RAB11FIP2: variants seen among roughly 807,000 people sequenced by gnomAD.
RAB11FIP2 encodes the protein RAB11 family interacting protein 2.
Under a neutral mutation model 40.9 loss-of-function variants are expected in RAB11FIP2, and 16 were observed. The ratio of observed to expected loss-of-function variants is 0.39; its 90% CI spans 0.26 to 0.59. The LOEUF (loss-of-function observed/expected upper bound fraction) is 0.59. Ranked by LOEUF, RAB11FIP2 falls within the 20% of genes least tolerant of loss-of-function variation. The probability of loss-of-function intolerance (pLI) is 0.53; values close to 1 mark genes in which losing one functional copy is unlikely to be tolerated. For missense variants in RAB11FIP2, 532 were observed against 606.2 expected, an observed-to-expected ratio of 0.88 and a Z score of 1.28; for synonymous variants, 228 against 213.7, an observed-to-expected ratio of 1.07 and a Z score of -0.58.
At chr10:118,045,603 G>T in intron 1 of RAB11FIP2, 1 of 530,084 alleles carries the variant, frequency 1.9e-6, no homozygotes, top group South Asian at 2.5e-5. Flanking sequence ...TTAACAGAAA[G>T]AATAAGGGAT....
In RAB11FIP2 at chr10:118,009,004, G is replaced by C. The variant is rs2098171583; in HGVS notation, c.1533C>G (p.Asn511Lys). ...TACAATACAATTGGCTTTATTAACT[G>C]TTAGAGAATTTGCCAGCTTTCCTGG... ...EPSRKAGKFS[N>K]S is the part of the protein sequence containing the mutation. The change falls in exon 5 of 5, where the codon AAC (asparagine) becomes AAG (lysine). Residue 511 changes from asparagine (N) to lysine (K), a missense_variant. Coordinates refer to ENST00000355624, the MANE Select transcript of RAB11FIP2 (RefSeq NM_014904.3). The C allele has an allele frequency of 6.2e-7, 1 of 1,605,690 alleles. No homozygotes were observed. The highest frequency in any genetic ancestry group is 1.3e-5 in the African/African-American group (1 of 74,656).
chr10:118,039,479 C>CA, intron 2 of RAB11FIP2, 39 bp from the exon 3 acceptor site: 1 of 1,494,532 alleles, frequency 6.7e-7, no homozygotes, highest in Non-Finnish European at 9.2e-7. Context: ...ATCAGTGACA[C>CA]ATTACATCAC....
intron 3 of RAB11FIP2, among the ~76,000 whole-genome samples, chr10:118,037,867 A>G (rs1400175510): frequency 1.3e-5 from 2 of 152,092 alleles, no homozygotes; most frequent in East Asian, 3.9e-4. Flanking sequence ...CAAGTCCCCT[A>G]TACAAAATGG....
intron 3 of RAB11FIP2, among the ~76,000 whole-genome samples, chr10:118,033,017 G>A (rs1164188362): frequency 6.6e-6 from 1 of 151,742 alleles, no homozygotes; most frequent in East Asian, 1.9e-4. Flanking sequence ...CATTATTATT[G>A]TTACTCTCTT....
At chr10:118,029,738 T>C (rs1307375548) in intron 3 of RAB11FIP2, among the ~76,000 whole-genome samples, 1 of 152,138 alleles carries the variant, frequency 6.6e-6, no homozygotes, top group Admixed American at 6.6e-5. Flanking sequence ...GCAAGGGCCT[T>C]CTTTATATTC....
intron 4 of RAB11FIP2, among the ~76,000 whole-genome samples, chr10:118,011,140 T>C (rs988269737): frequency 2.2e-4 from 33 of 152,088 alleles, no homozygotes; most frequent in Non-Finnish European, 1.5e-5. Flanking sequence ...AGACCAGAGT[T>C]AGCAAGAATG....
In RAB11FIP2 at chr10:118,007,224, CTT is replaced by C. The variant is rs1846100578; in HGVS notation, c.*1772_*1773del. 1 of 149,448 alleles carries C rather than the reference CTT, an allele frequency of 6.7e-6. No homozygotes were observed. Among genetic ancestry groups the C allele is most frequent in the Non-Finnish European group, 1.5e-5 (1 of 67,486 alleles). 9.3% of individuals were successfully genotyped at this position (149,448 alleles called of 1,614,324 possible). A position where few individuals can be genotyped will look rare whatever the true frequency, so the allele number is the denominator to read the frequency against. ...CGGGAAAATACCATTCTACACCAGA[CTT>C]TGAGGTTTATTACAGAATCTTGAGG... On this transcript the variant is annotated 3_prime_UTR_variant, in exon 5 of 5. Transcript: ENST00000355624.
chr10:118,045,358 T>C (rs1200693401), intron 1 of RAB11FIP2: 1 of 158,088 alleles, frequency 6.3e-6, no homozygotes, highest in Non-Finnish European at 1.4e-5. Context: ...TGAAACGAAA[T>C]ACTGAGTTCT....
chr10:118,012,088 TTG>T lies in RAB11FIP2; in HGVS notation c.1312-2865_1312-2864del, dbSNP rs1419033667. 3.9e-5 allele frequency among the ~76,000 whole-genome samples: 6 copies of T among 152,142 alleles called. No individual in the cohort carries two copies. The East Asian group carries it at 1.2e-3, about 29-fold the overall frequency. ...TGAAGATGAAAAACGTTTCAAAAAT[TTG>T]TGTTTTGATATAAATTAAAGCCATG... On this transcript the variant is annotated intron_variant, in intron 4 of 4. Transcript: ENST00000355624.
chr10:118,044,055 A>T (rs1846595555), intron 1 of RAB11FIP2, among the ~76,000 whole-genome samples: 1 of 152,240 alleles, frequency 6.6e-6, no homozygotes. Context: ...CTAAAGTTCT[A>T]ATCAATTTTA....
At chr10:118,013,157 G>C (rs1375468954) in intron 4 of RAB11FIP2, among the ~76,000 whole-genome samples, 1 of 151,970 alleles carries the variant, frequency 6.6e-6, no homozygotes, top group East Asian at 1.9e-4. Flanking sequence ...TTAAAGAAAG[G>C]TTGTCCTGGT....
chr10:118,041,829 C>G (rs1242344505), intron 1 of RAB11FIP2, among the ~76,000 whole-genome samples: 2 of 152,176 alleles, frequency 1.3e-5, no homozygotes, highest in South Asian at 4.1e-4. Flanking sequence ...TGGAGCTATT[C>G]AATCAATTCA....
chr10:118,030,785 A>AGT (rs111672615), intron 3 of RAB11FIP2, among the ~76,000 whole-genome samples: 2,292 of 152,118 alleles, frequency 0.015, 21 homozygotes, highest in African/African-American at 0.022. Context: ...AATTTGCATT[A>AGT]GAGTTAGCAC....
chr10:118,007,686 A>AT lies in RAB11FIP2; in HGVS notation c.*1311dup, dbSNP rs1690661219. The AT allele has an allele frequency of 6.6e-6, 1 of 152,114 alleles. No individual in the cohort carries two copies. 9.4% of individuals were successfully genotyped at this position (152,114 alleles called of 1,614,324 possible). A position where few individuals can be genotyped will look rare whatever the true frequency, so the allele number is the denominator to read the frequency against. ...AGAAGATTAGCAATATTTTTATAAC[A>AT]TTGCTTGTCAATTTAAATTTCAGAA... is the stretch of plus-strand genomic sequence containing the variant. On this transcript the variant is annotated 3_prime_UTR_variant, in exon 5 of 5. Transcript: ENST00000355624.
Position 118,046,383 on chromosome 10 carries a change from G to A in RAB11FIP2, c.-220C>T, listed in dbSNP as rs1846638492. The A allele has an allele frequency of 1.8e-6, 1 of 561,032 alleles. No individual in the cohort carries two copies. The highest frequency in any genetic ancestry group is 2.3e-5 in the South Asian group (1 of 42,854). 34.8% of individuals were successfully genotyped at this position (561,032 alleles called of 1,614,324 possible). A position where few individuals can be genotyped will look rare whatever the true frequency, so the allele number is the denominator to read the frequency against. ...CCCTTTCGTCTGGAGAAACACAGAGGCCCACCATCACCTGGCCGCGCCGTG... is the reference window on the plus strand; with the variant it reads ...CCCTTTCGTCTGGAGAAACACAGAGACCCACCATCACCTGGCCGCGCCGTG... On this transcript the variant is annotated 5_prime_UTR_variant, in exon 1 of 5. Transcript: ENST00000355624.
chr10:118,031,316 AG>A (rs1242661218), intron 3 of RAB11FIP2, among the ~76,000 whole-genome samples: 1 of 152,146 alleles, frequency 6.6e-6, no homozygotes, highest in African/African-American at 2.4e-5. Flanking sequence ...CTTTTTCTTT[AG>A]GATCATTTAT....
chr10:118,038,983 C>T lies in RAB11FIP2; in HGVS notation c.1254G>A (p.Met418Ile), dbSNP rs946969778. The T allele has an allele frequency of 1.3e-6, 2 of 1,590,476 alleles. No homozygotes were observed. Among genetic ancestry groups the T allele is most frequent in the Non-Finnish European group, 1.7e-6 (2 of 1,169,668 alleles). The change falls in exon 3 of 5, where the codon ATG becomes ATA. Residue 418 changes from methionine (M) to isoleucine (I), a missense_variant. Physicochemically the swap from Met to Ile is conservative, Grantham distance 10 (BLOSUM62 1). Coordinates refer to ENST00000355624, the MANE Select transcript of RAB11FIP2 (RefSeq NM_014904.3). ...CATATTAAGCTTACCTTGAAGATGG[C>T]ATTATATTTGAAGCCCTGAATTTTG... is the stretch of plus-strand genomic sequence containing the variant. ...FTAKFRASNI[M>I]PSSSFHMSPT...
chr10:118,018,405 G>T (rs1350921459), intron 3 of RAB11FIP2: 1 of 152,198 alleles, frequency 6.6e-6, no homozygotes, highest in Non-Finnish European at 1.5e-5. Flanking sequence ...CTGCTGACAG[G>T]TTAAGGAAAA....
In RAB11FIP2 at chr10:118,023,229, T is replaced by C. The variant is rs531707827; in HGVS notation, c.1266-8119A>G. Among the ~76,000 whole-genome samples the C allele has an allele frequency of 2.6e-5, 4 of 152,314 alleles. No homozygotes were observed. The South Asian group carries it at 8.3e-4, about 32-fold the overall frequency. On this transcript the variant is annotated intron_variant, in intron 3 of 4. Coordinates refer to ENST00000355624, the MANE Select transcript of RAB11FIP2 (RefSeq NM_014904.3). ...CCACAGAGGTTACATGTTGAAGTTT[T>C]TGTTTTTTAATGTTCTTTAATAATG...
Sources: allele counts gnomAD v4.1 joint callset (sites outside exome capture counted in the v4.1 genomes callset), GRCh38; gene constraint gnomAD v4.1.1; transcripts MANE v1.5; gene names NCBI Gene and HGNC (gene_info 2026-07-23, HGNC 2026-07-21).